Variants in TNRC6A observed in about 807,000 individuals in gnomAD.
TNRC6A encodes the protein trinucleotide repeat containing adaptor 6A, also known as trinucleotide repeat-containing gene 6A protein.
Under a neutral mutation model 221.2 loss-of-function variants are expected in TNRC6A, and 44 were observed. That is an observed-to-expected ratio of 0.20 (90% confidence interval 0.16 to 0.26). TNRC6A has a LOEUF of 0.26. TNRC6A is among the 10% of genes least tolerant of loss of function. The pLI is 1.00. For missense variants in TNRC6A, 2,199 were observed against 2,404.4 expected (o/e 0.91, Z 1.79); for synonymous variants, 847 against 838.5 (o/e 1.01, Z -0.18).
At chr16:24,666,666 A>T (rs2040605) in intron 2 of TNRC6A, among the ~76,000 whole-genome samples, 3,522 of 92,558 alleles carry the variant, frequency 0.038, 43 homozygotes, top group African/African-American at 0.093. Context: ...AAAAAAAAAA[A>T]AAATATATAT....
intron 4 of TNRC6A, among the ~76,000 whole-genome samples, chr16:24,763,629 A>C (rs112666488): frequency 1.2e-3 from 180 of 152,350 alleles, no homozygotes; most frequent in African/African-American, 4.0e-3. Context: ...TCATAAAGTG[A>C]CATTATTTCC....
At chr16:24,731,588 G>T (rs2056643253) in intron 2 of TNRC6A, among the ~76,000 whole-genome samples, 1 of 152,158 alleles carries the variant, frequency 6.6e-6, no homozygotes, top group South Asian at 2.1e-4. Context: ...GTTAAGATAT[G>T]AAACCATTAA....
At chr16:24,757,102 A>G (rs1215772049) in intron 3 of TNRC6A, among the ~76,000 whole-genome samples, 1 of 152,106 alleles carries the variant, frequency 6.6e-6, no homozygotes, top group Non-Finnish European at 1.5e-5. Flanking sequence ...TAGCTAGTTG[A>G]CTGGTTGTTT....
intron 2 of TNRC6A, among the ~76,000 whole-genome samples, chr16:24,657,863 A>G (rs992487714): frequency 2.6e-5 from 4 of 152,006 alleles, no homozygotes; most frequent in Non-Finnish European, 4.4e-5. Context: ...GCCAAGTTAT[A>G]TGGTGAATGT....
At chr16:24,806,421 C>T in intron 16 of TNRC6A, 138 bp downstream of exon 16, 1 of 1,356,720 alleles carries the variant, frequency 7.4e-7, no homozygotes, top group Non-Finnish European at 1.0e-6. Context: ...TTCATTAAGT[C>T]TGCTGGTTGC....
chr16:24,804,502 A>G, intron 12 of TNRC6A, 183 bp downstream of exon 12: 2 of 1,098,636 alleles, frequency 1.8e-6, no homozygotes, highest in Non-Finnish European at 2.5e-6. Flanking sequence ...GGTTGCATTT[A>G]TATTTTTCTT....
intron 2 of TNRC6A, among the ~76,000 whole-genome samples, chr16:24,731,157 G>C (rs2056630881): frequency 6.6e-6 from 1 of 151,916 alleles, no homozygotes; most frequent in African/African-American, 2.4e-5. Flanking sequence ...GGGACACTCA[G>C]GGAAACTTAG....
chr16:24,761,662 C>T (rs2057366665), intron 4 of TNRC6A, among the ~76,000 whole-genome samples: 1 of 151,942 alleles, frequency 6.6e-6, no homozygotes, highest in South Asian at 2.1e-4. Context: ...CCTCCTGCCT[C>T]CTGAGTAGCT....
intron 2 of TNRC6A, among the ~76,000 whole-genome samples, chr16:24,655,667 C>T (rs543424005): frequency 1.3e-5 from 2 of 150,724 alleles, no homozygotes; most frequent in South Asian, 2.1e-4. Context: ...CCAGCCTGGG[C>T]GACAAGAGTG....
intron 1 of TNRC6A, among the ~76,000 whole-genome samples, chr16:24,623,004 T>C (rs1022422674): frequency 3.9e-5 from 6 of 152,198 alleles, no homozygotes; most frequent in African/African-American, 1.4e-4. Flanking sequence ...CCTAACGTTG[T>C]TGTGTAAGAT....
chr16:24,643,063 A>G (rs1298129144), intron 2 of TNRC6A, among the ~76,000 whole-genome samples: 1 of 139,786 alleles, frequency 7.2e-6, no homozygotes, highest in Non-Finnish European at 1.5e-5. Context: ...TATATAACAT[A>G]TATATTATAT....
In TNRC6A at chr16:24,804,086, T is replaced by G; in HGVS notation, c.3695-91T>G. 2.2e-6 allele frequency: 3 copies of G among 1,360,846 alleles called. No individual in the cohort carries two copies. In the Admixed American group the frequency reaches 8.1e-5, roughly 37 times the overall value. 84.3% of individuals were successfully genotyped at this position (1,360,846 alleles called of 1,614,324 possible). Reference sequence around the variant, plus strand: ...TTGTCTTGGCTGAAGTCATTTCAGTTTGGAAAGTGAGTGTTTTGCTTTTGT... The same window carrying G: ...TTGTCTTGGCTGAAGTCATTTCAGTGTGGAAAGTGAGTGTTTTGCTTTTGT... On this transcript the variant is annotated intron_variant, in intron 11 of 24. Coordinates refer to ENST00000395799, the MANE Select transcript of TNRC6A (RefSeq NM_014494.4).
intron 2 of TNRC6A, among the ~76,000 whole-genome samples, chr16:24,739,437 A>G (rs2343355): frequency 0.06 from 8,817 of 146,482 alleles, 720 homozygotes; most frequent in East Asian, 0.36. Flanking sequence ...TAGATATATG[A>G]TTTACAGGTA....
At chr16:24,764,705 AGTACAG>A (rs1441610756) in intron 4 of TNRC6A, among the ~76,000 whole-genome samples, 1 of 152,126 alleles carries the variant, frequency 6.6e-6, no homozygotes, top group East Asian at 1.9e-4. Context: ...TGAACATGGG[AGTACAG>A]GTATTTCTAC....
chr16:24,704,746 G>A (rs997746120), intron 2 of TNRC6A, among the ~76,000 whole-genome samples: 3 of 147,536 alleles, frequency 2.0e-5, no homozygotes, highest in Non-Finnish European at 3.0e-5. Flanking sequence ...TATTATTTAC[G>A]TACTCACTTT....
intron 2 of TNRC6A, among the ~76,000 whole-genome samples, chr16:24,684,500 C>T (rs930578831): frequency 1.3e-4 from 20 of 152,040 alleles, no homozygotes; most frequent in African/African-American, 4.3e-4. Flanking sequence ...TCTTTGGATT[C>T]TTTTTCAGTG....
intron 2 of TNRC6A, among the ~76,000 whole-genome samples, chr16:24,648,557 A>G (rs1000638784): frequency 6.6e-6 from 1 of 152,130 alleles, no homozygotes. Context: ...GGCGTGAGCC[A>G]CCGCGCCCGG....
At position 24,790,085 on chromosome 16, in the gene TNRC6A, G is replaced by A. The variant is rs1024852223; in HGVS notation, c.1443G>A (p.Gly481=). ...QNNELPSSNT[G]AWRVSTMNHP... is the part of the protein sequence containing the mutation. ...ATGAGCTGCCTAGTAGTAACACAGG[G>A]GCCTGGCGTGTGAGCACAATGAATC... The change falls in exon 6 of 25, where the codon GGG becomes GGA. Residue 481 remains glycine, a synonymous_variant. Coordinates refer to ENST00000395799, the MANE Select transcript of TNRC6A (RefSeq NM_014494.4). The A allele has an allele frequency of 5.0e-6, 8 of 1,614,134 alleles. No individual in the cohort carries two copies. Among genetic ancestry groups the A allele is most frequent in the East Asian group, 2.2e-5 (1 of 44,884 alleles).
intron 2 of TNRC6A, chr16:24,662,697 T>A (rs1474662948): frequency 6.5e-6 from 1 of 153,710 alleles, no homozygotes; most frequent in East Asian, 1.9e-4. Context: ...GAAGGGACCT[T>A]CATCTTATTT....
Sources: gnomAD v4.1 joint callset for allele counts (sites outside exome capture counted in the v4.1 genomes callset) on GRCh38, gnomAD v4.1.1 for gene constraint, MANE v1.5 for transcripts, NCBI Gene and HGNC (gene_info 2026-07-23, HGNC 2026-07-21) for gene names.